Variants in ACOT1 observed in about 807,000 individuals in gnomAD.
ACOT1 encodes acyl-coenzyme A thioesterase 1.
In ACOT1, 8 loss-of-function variants were observed where a neutral mutation model predicts 15.7. The ratio of observed to expected loss-of-function variants is 0.51; its 90% CI spans 0.30 to 0.92. The LOEUF (loss-of-function observed/expected upper bound fraction) is 0.92. Among genes scored for constraint, ACOT1 ranks in the 40% least tolerant of loss-of-function variants. The probability of loss-of-function intolerance (pLI) is 0.06; values close to 1 mark genes in which losing one functional copy is unlikely to be tolerated. For missense variants in ACOT1, 151 were observed against 539.4 expected (o/e 0.28, Z 7.13); for synonymous variants, 67 against 241.2 (o/e 0.28, Z 6.69).
the ACOT1 span, chr14:73,508,404 T>C: frequency 1.2e-6 from 1 of 849,506 alleles, no homozygotes; most frequent in Non-Finnish European, 1.9e-6. Context: ...TCTCACTTCC[T>C]TGTGCCCCAC....
At chr14:73,521,803 C>G in the ACOT1 span, among the ~76,000 whole-genome samples, 1 of 152,266 alleles carries the variant, frequency 6.6e-6, no homozygotes, top group South Asian at 2.1e-4. Flanking sequence ...TATGAGGTTC[C>G]TGCCTTCCTC....
chr14:73,542,390 A>G lies in ACOT1; in HGVS notation c.661-660A>G, dbSNP rs533971582. Among the ~76,000 whole-genome samples the G allele has an allele frequency of 6.1e-3, 598 of 97,986 alleles. 178 individuals carry two copies. The Middle Eastern group carries it at 0.067, about 11-fold the overall frequency. 64.3% of individuals were successfully genotyped at this position (97,986 alleles called of 152,430 possible). On this transcript the variant is annotated intron_variant, in intron 2 of 2. Transcript: ENST00000311148. ...GTATTATGCAATTTTAAATTCCAGT[A>G]TGTTTTTTCTTTCTTTTTTTTTTTT...
chr14:73,508,804 G>C, the ACOT1 span, among the ~76,000 whole-genome samples: 1 of 150,148 alleles, frequency 6.7e-6, no homozygotes, highest in African/African-American at 2.5e-5. Flanking sequence ...CTTGGTGGCA[G>C]TGTACCTGTT....
the ACOT1 span, chr14:73,517,356 A>G: frequency 6.6e-6 from 1 of 152,158 alleles, no homozygotes; most frequent in African/African-American, 2.4e-5. Flanking sequence ...TAGTATGTAA[A>G]TTCAAGCTCA....
At chr14:73,499,676 TGGGG>T in the ACOT1 span, among the ~76,000 whole-genome samples, 3 of 152,156 alleles carry the variant, frequency 2.0e-5, no homozygotes, top group African/African-American at 7.2e-5. Flanking sequence ...TCTACAGATC[TGGGG>T]CCATATGGCT....
chr14:73,500,398 G>T, the ACOT1 span: 3 of 716,274 alleles, frequency 4.2e-6, no homozygotes, highest in Non-Finnish European at 6.6e-6. Flanking sequence ...CCCTGAAACA[G>T]TCCTGTTTGA....
the ACOT1 span, among the ~76,000 whole-genome samples, chr14:73,500,317 G>A: frequency 2.3e-4 from 35 of 149,256 alleles, no homozygotes; most frequent in East Asian, 9.7e-4. Flanking sequence ...TATCGTTAGT[G>A]TTAGTGTACT....
chr14:73,527,032 C>G, the ACOT1 span, among the ~76,000 whole-genome samples: 14 of 151,984 alleles, frequency 9.2e-5, no homozygotes, highest in Non-Finnish European at 1.9e-4. Context: ...CCAAGGCCAC[C>G]AAAGATACAG....
the ACOT1 span, chr14:73,491,963 C>G: frequency 6.2e-7 from 1 of 1,613,948 alleles, no homozygotes; most frequent in Non-Finnish European, 8.5e-7. Flanking sequence ...GGCTGTGCTT[C>G]AAGAGCAGTT....
At chr14:73,514,083 T>C in the ACOT1 span, 2 of 1,614,162 alleles carry the variant, frequency 1.2e-6, no homozygotes, top group South Asian at 1.1e-5. Flanking sequence ...GGACCACCAG[T>C]TCCCAGGTCA....
the ACOT1 span, among the ~76,000 whole-genome samples, chr14:73,517,843 C>T: frequency 6.6e-6 from 1 of 152,132 alleles, no homozygotes; most frequent in Middle Eastern, 3.4e-3. Context: ...AATCCCAGCA[C>T]TTTGGGAGGC....
the ACOT1 span, chr14:73,528,904 G>A: frequency 6.6e-6 from 1 of 152,220 alleles, no homozygotes; most frequent in Admixed American, 6.5e-5. Flanking sequence ...AGAGAAGGAA[G>A]AAAGGACTTA....
the ACOT1 span, among the ~76,000 whole-genome samples, chr14:73,502,506 A>G: frequency 2.6e-5 from 4 of 151,976 alleles, no homozygotes; most frequent in Admixed American, 2.6e-4. Flanking sequence ...GGGTCCGTAC[A>G]GAGGAGCTCA....
chr14:73,503,082 G>GT, the ACOT1 span: 8 of 1,274,232 alleles, frequency 6.3e-6, no homozygotes, highest in East Asian at 2.3e-5. Flanking sequence ...GCGTTGTGCT[G>GT]TTTTTTCTTC....
chr14:73,537,479 C>T lies in ACOT1; in HGVS notation c.58C>T (p.Arg20Ter), dbSNP rs778099502. 8.2e-7 allele frequency: 1 copy of T among 1,226,198 alleles called. No homozygotes were observed. The highest frequency in any genetic ancestry group is 1.4e-5 in the South Asian group (1 of 70,368). The allele number at this position is 1,226,198 out of a possible 1,614,324, so 76.0% of individuals were successfully genotyped here. ...AGRCCWDEPV[R>*]IAVRGLAPEQ... ...CCGCTGCTGCTGGGACGAACCGGTG[C>T]GAATCGCCGTGCGCGGCCTAGCCCC... Residue 20 changes from arginine to a stop codon, truncating the protein, a stop_gained, in exon 1 of 3, where the codon CGA (arginine) becomes TGA (stop). Transcript: ENST00000311148. LOFTEE classifies it high-confidence loss of function.
At chr14:73,491,817 A>G in the ACOT1 span, 6 of 1,603,966 alleles carry the variant, frequency 3.7e-6, no homozygotes, top group Non-Finnish European at 5.1e-6. Context: ...GCCGCTCGCT[A>G]CATCAACGGA....
chr14:73,495,119 C>T, the ACOT1 span: 22 of 913,094 alleles, frequency 2.4e-5, no homozygotes, highest in South Asian at 2.5e-4. Flanking sequence ...AGTACCCTTT[C>T]CTGACTCTTT....
chr14:73,524,984 T>G, the ACOT1 span, among the ~76,000 whole-genome samples: 2 of 152,314 alleles, frequency 1.3e-5, no homozygotes, highest in South Asian at 2.1e-4. Context: ...CCGTATTGTA[T>G]TTCTTTCTGT....
the ACOT1 span, among the ~76,000 whole-genome samples, chr14:73,516,182 T>G: frequency 2.2e-5 from 1 of 45,204 alleles, no homozygotes; most frequent in Non-Finnish European, 3.3e-5. Flanking sequence ...AAGAGTCCTG[T>G]GAGACTCCAG....
Sources: gnomAD v4.1 joint callset for allele counts (sites outside exome capture counted in the v4.1 genomes callset) on GRCh38, gnomAD v4.1.1 for gene constraint, MANE v1.5 for transcripts, NCBI Gene and HGNC (gene_info 2026-07-23, HGNC 2026-07-21) for gene names.